NUPR2: variants seen among roughly 807,000 people sequenced by gnomAD.
NUPR2 encodes nuclear protein 2.
A neutral mutation model predicts 7.3 loss-of-function variants in NUPR2; 14 were observed. That is an observed-to-expected ratio of 1.93 (90% confidence interval 1.27 to 3.01). The LOEUF (loss-of-function observed/expected upper bound fraction) is 3.01. Ranked by LOEUF, NUPR2 falls within the 30% of genes most tolerant of loss-of-function variation. The pLI is 0.00. For synonymous variants in NUPR2, 56 were observed against 59.7 expected, an observed-to-expected ratio of 0.94 and a Z score of 0.29; for missense variants, 162 against 143.7, an observed-to-expected ratio of 1.13 and a Z score of -0.65.
Position 56,116,241 on chromosome 7 carries a change from T to C in NUPR2, c.74A>G (p.Glu25Gly). 1 of 1,542,898 alleles carries C rather than the reference T, an allele frequency of 6.5e-7. No individual in the cohort carries two copies. Among genetic ancestry groups the C allele is most frequent in the Non-Finnish European group, 8.7e-7 (1 of 1,143,626 alleles). Residue 25 changes from glutamate to glycine, a missense_variant, in exon 1 of 2, where the codon GAG becomes GGG. Transcript: ENST00000329309. ...LARPPPPISY[E>G]EELYDCLDYY... ...GTCCAGGCAGTCGTAAAGCTCCTCC[T>C]CGTAGCTTATGGGTGGCGGCGGCCG...
chr7:56,116,398 G>C lies in NUPR2; in HGVS notation c.-84C>G. On this transcript the variant is annotated 5_prime_UTR_variant, in exon 1 of 2. The change creates a new upstream start codon in the 5' untranslated region. Transcript: ENST00000329309. ...ACCCAGCAGCCCCGCCTCGAGTTCC[G>C]ATGGGCTCCGCGTGAAGGTGGGGGT... 5.2e-6 allele frequency: 4 copies of C among 769,254 alleles called. No homozygotes were observed. In the South Asian group the frequency reaches 1.1e-4, roughly 21 times the overall value. The allele number at this position is 769,254 out of a possible 1,614,324, so 47.7% of individuals were successfully genotyped here. A position where few individuals can be genotyped will look rare whatever the true frequency, so the allele number is the denominator to read the frequency against.
intron 1 of NUPR2, among the ~76,000 whole-genome samples, chr7:56,115,433 G>GTATATATATATATA (rs1562891882): frequency 0.06 from 701 of 11,736 alleles, 95 homozygotes; most frequent in Non-Finnish European, 0.065. Context: ...ATATATTTGT[G>GTATATATATATATA]TGTGTGTGTG....
At chr7:56,115,410 T>TACAC (rs1562891757) in intron 1 of NUPR2, among the ~76,000 whole-genome samples, 5 of 39,392 alleles carry the variant, frequency 1.3e-4, no homozygotes, top group South Asian at 7.3e-4. Flanking sequence ...TATATATATA[T>TACAC]ATATATATAT....
In NUPR2 at chr7:56,115,411, A is replaced by ACATATG. The variant is rs71015192; in HGVS notation, c.*7-515_*7-514insCATATG. Among the ~76,000 whole-genome samples the ACATATG allele has an allele frequency of 3.7e-4, 10 of 27,374 alleles. 1 individual carries two copies. The highest frequency in any genetic ancestry group is 7.2e-4 in the African/African-American group (3 of 4,186). The allele number at this position is 27,374 out of a possible 152,430, so 18.0% of individuals were successfully genotyped here. A position where few individuals can be genotyped will look rare whatever the true frequency, so the allele number is the denominator to read the frequency against. Reference sequence around the variant, plus strand: ...CTCGATCGCATATATATATATATATATATATATATATATATATTTGTGTGT... The same window carrying ACATATG: ...CTCGATCGCATATATATATATATATACATATGTATATATATATATATATTTGTGTGT... On this transcript the variant is annotated intron_variant, in intron 1 of 1. Coordinates refer to ENST00000329309, the MANE Select transcript of NUPR2 (RefSeq NM_001145712.2).
chr7:56,115,455 G>GATATATATATATATT (rs1785532337), intron 1 of NUPR2, among the ~76,000 whole-genome samples: 1 of 48,480 alleles, frequency 2.1e-5, no homozygotes, highest in African/African-American at 1.0e-4. Flanking sequence ...GTGTGTGTGT[G>GATATATATATATATT]TGTGTGTGTG....
intron 1 of NUPR2, 60 bp downstream of exon 1, chr7:56,115,955 T>TG: frequency 5.3e-6 from 7 of 1,330,562 alleles, no homozygotes; most frequent in Non-Finnish European, 5.9e-6. Context: ...CGCCGCGCCG[T>TG]GGGGGGACGC....
rs1306035702 is a variant in NUPR2, at chr7:56,116,278, G to A, written c.37C>T (p.Gln13Ter). 6.7e-7 allele frequency: 1 copy of A among 1,502,436 alleles called. No individual in the cohort carries two copies. Among genetic ancestry groups the A allele is most frequent in the Admixed American group, 2.5e-5 (1 of 40,656 alleles). 93.1% of individuals were successfully genotyped at this position (1,502,436 alleles called of 1,614,324 possible). The change falls in exon 1 of 2, where the codon CAG becomes TAG. Residue 13 changes from glutamine to a stop codon, truncating the protein, a stop_gained. Coordinates refer to ENST00000329309, the MANE Select transcript of NUPR2 (RefSeq NM_001145712.2). LOFTEE classifies it high-confidence loss of function. ...APAERALPRLQALARPPPPIS... is the reference protein window; with the variant it reads ...APAERALPRL Reference sequence around the variant, plus strand: ...GGTGGCGGCGGCCGAGCCAGAGCCTGCAGACGTGGAAGCGCCCGCTCTGCG... The same window carrying A: ...GGTGGCGGCGGCCGAGCCAGAGCCTACAGACGTGGAAGCGCCCGCTCTGCG...
At position 56,116,219 on chromosome 7, in the gene NUPR2, C is replaced by T; in HGVS notation, c.96G>A (p.Leu32=). 6.5e-7 allele frequency: 1 copy of T among 1,547,878 alleles called. No individual in the cohort carries two copies. Among genetic ancestry groups the T allele is most frequent in the Non-Finnish European group, 8.7e-7 (1 of 1,145,658 alleles). The part of the protein sequence containing the change: ...ISYEEELYDC[L]DYYYLRDFPA... ...GGAAGTCGCGCAGGTAGTAGTAGTC[C>T]AGGCAGTCGTAAAGCTCCTCCTCGT... is the stretch of plus-strand genomic sequence containing the variant. The change falls in exon 1 of 2, where the codon CTG becomes CTA. Residue 32 remains leucine, a synonymous_variant. Coordinates refer to ENST00000329309, the MANE Select transcript of NUPR2 (RefSeq NM_001145712.2).
chr7:56,115,904 C>T, intron 1 of NUPR2, 111 bp downstream of exon 1: 1 of 965,220 alleles, frequency 1.0e-6, no homozygotes, highest in Non-Finnish European at 1.4e-6. Context: ...TTCCCTAATA[C>T]GGTTCCCTCA....
chr7:56,115,625 T>A (rs1233098983), intron 1 of NUPR2, among the ~76,000 whole-genome samples: 9 of 105,196 alleles, frequency 8.6e-5, no homozygotes, highest in East Asian at 4.2e-4. Context: ...CTGGCTAATT[T>A]TATATATATA....
At position 56,116,086 on chromosome 7, in the gene NUPR2, G is replaced by A; in HGVS notation, c.229C>T (p.Leu77Phe). Residue 77 changes from leucine to phenylalanine, a missense_variant, in exon 1 of 2, where the codon CTC (leucine) becomes TTC (phenylalanine). Coordinates refer to ENST00000329309, the MANE Select transcript of NUPR2 (RefSeq NM_001145712.2). ...TGGCGGCGCTTGCGCTGGCCATTGA[G>A]GAGCTTCTGCGCGACCTTGCGCTCG... ...GHERKVAQKL[L>F]NGQRKRRQRQ... is the part of the protein sequence containing the mutation. 1.3e-6 allele frequency: 2 copies of A among 1,530,546 alleles called. No individual in the cohort carries two copies. The highest frequency in any genetic ancestry group is 1.8e-6 in the Non-Finnish European group (2 of 1,138,950). The allele number at this position is 1,530,546 out of a possible 1,614,324, so 94.8% of individuals were successfully genotyped here.
In NUPR2 at chr7:56,116,366, C is replaced by T; in HGVS notation, c.-52G>A. 8.8e-7 allele frequency: 1 copy of T among 1,132,922 alleles called. No homozygotes were observed. Among genetic ancestry groups the T allele is most frequent in the African/African-American group, 1.6e-5 (1 of 60,764 alleles). The allele number at this position is 1,132,922 out of a possible 1,614,324, so 70.2% of individuals were successfully genotyped here. ...GCCACCTGCCCGCGTCTGGGCGCTC[C>T]TGGAAGACCCAGCAGCCCCGCCTCG... On this transcript the variant is annotated 5_prime_UTR_variant, in exon 1 of 2. Coordinates refer to ENST00000329309, the MANE Select transcript of NUPR2 (RefSeq NM_001145712.2).
intron 1 of NUPR2, among the ~76,000 whole-genome samples, chr7:56,115,428 T>TATATATATATATA (rs58684972): frequency 6.5e-5 from 3 of 45,924 alleles, no homozygotes; most frequent in South Asian, 6.6e-4. Flanking sequence ...TATATATATA[T>TATATATATATATA]TTGTGTGTGT....
At position 56,116,275 on chromosome 7, in the gene NUPR2, CCTGCAGACGTGGAAGCGCCCGCT is replaced by C. The variant is rs772996803; in HGVS notation, c.17_39del (p.Glu6GlyfsTer99). 16 of 1,505,862 alleles carry C rather than the reference CCTGCAGACGTGGAAGCGCCCGCT, an allele frequency of 1.1e-5. No homozygotes were observed. The highest frequency in any genetic ancestry group is 5.8e-5 in the African/African-American group (4 of 68,524). 93.3% of individuals were successfully genotyped at this position (1,505,862 alleles called of 1,614,324 possible). A position where few individuals can be genotyped will look rare whatever the true frequency, so the allele number is the denominator to read the frequency against. ...ATGGGTGGCGGCGGCCGAGCCAGAG[CCTGCAGACGTGGAAGCGCCCGCT>C]CTGCGGGCGCTTCCATCCTGCCCAG... On this transcript the variant is annotated frameshift_variant, in exon 1 of 2. Transcript: ENST00000329309. LOFTEE classifies it high-confidence loss of function.
At chr7:56,115,407 A>ATATATATACATATG (rs1785523361) in intron 1 of NUPR2, among the ~76,000 whole-genome samples, 1 of 37,012 alleles carries the variant, frequency 2.7e-5, no homozygotes, top group Non-Finnish European at 4.5e-5. Flanking sequence ...ATATATATAT[A>ATATATATACATATG]TATATATATA....
intron 1 of NUPR2, 59 bp downstream of exon 1, chr7:56,115,956 G>A (rs552252492): frequency 9.0e-6 from 12 of 1,330,006 alleles, no homozygotes; most frequent in Admixed American, 3.3e-5. Flanking sequence ...GCCGCGCCGT[G>A]GGGGGACGCT....
At chr7:56,115,415 A>ACG (rs60601611) in intron 1 of NUPR2, among the ~76,000 whole-genome samples, 3 of 52,210 alleles carry the variant, frequency 5.7e-5, no homozygotes, top group East Asian at 1.9e-3. Context: ...ATATATATAT[A>ACG]TATATATATA....
chr7:56,115,429 TTGTGTGTGTGTGTGTG>T (rs59426127), intron 1 of NUPR2, among the ~76,000 whole-genome samples: 2 of 30,988 alleles, frequency 6.5e-5, no homozygotes, highest in Non-Finnish European at 1.1e-4. Flanking sequence ...ATATATATAT[TTGTGTGTGTGTGTGTG>T]TGTGTGTGTG....
chr7:56,115,625 T>TTATATATATATA lies in NUPR2; in HGVS notation c.*6+378_*6+389dup, dbSNP rs57272607. On this transcript the variant is annotated intron_variant, in intron 1 of 1. Transcript: ENST00000329309. ...CGCGCACCACAGTGCCTGGCTAATT[T>TTATATATATATA]TATATATATATATATATATATATTT... Among the ~76,000 whole-genome samples the TTATATATATATA allele has an allele frequency of 3.2e-4, 34 of 105,208 alleles. 1 individual carries two copies. Among genetic ancestry groups the TTATATATATATA allele is most frequent in the South Asian group, 5.8e-4 (2 of 3,458 alleles). 69.0% of individuals were successfully genotyped at this position (105,208 alleles called of 152,430 possible). A position where few individuals can be genotyped will look rare whatever the true frequency, so the allele number is the denominator to read the frequency against.
Sources: gnomAD v4.1 joint callset for allele counts (sites outside exome capture counted in the v4.1 genomes callset) on GRCh38, gnomAD v4.1.1 for gene constraint, MANE v1.5 for transcripts, NCBI Gene and HGNC (gene_info 2026-07-23, HGNC 2026-07-21) for gene names.